Variants in SCRG1 observed in about 807,000 individuals in gnomAD.
SCRG1 encodes the protein stimulator of chondrogenesis 1, also known as scrapie-responsive protein 1.
Under a neutral mutation model 7.7 loss-of-function variants are expected in SCRG1, and 3 were observed. That is an observed-to-expected ratio of 0.39 (90% CI 0.18 to 1.01). The LOEUF is 1.01. SCRG1 is among the 50% of genes least tolerant of loss of function. The pLI is 0.36. For synonymous variants in SCRG1, 46 were observed against 41.2 expected, an observed-to-expected ratio of 1.12 and a Z score of -0.44; for missense variants, 110 against 117.2, an observed-to-expected ratio of 0.94 and a Z score of 0.28.
chr4:173,438,802 G>A, the SCRG1 span, among the ~76,000 whole-genome samples: 1 of 151,582 alleles, frequency 6.6e-6, no homozygotes, highest in African/African-American at 2.4e-5. Flanking sequence ...GCTTGATCAT[G>A]ATATTTCACT....
the SCRG1 span, among the ~76,000 whole-genome samples, chr4:173,493,484 G>A: frequency 5.3e-5 from 8 of 151,966 alleles, no homozygotes; most frequent in Non-Finnish European, 1.0e-4. Flanking sequence ...TGGGTGTGGT[G>A]GCGCGTGCTT....
chr4:173,484,843 T>G, the SCRG1 span, among the ~76,000 whole-genome samples: 138 of 84,940 alleles, frequency 1.6e-3, 1 homozygote, highest in South Asian at 3.3e-3. Context: ...GTACAATATA[T>G]TATATATAAT....
chr4:173,514,902 T>C, the SCRG1 span, among the ~76,000 whole-genome samples: 10 of 152,170 alleles, frequency 6.6e-5, no homozygotes, highest in Admixed American at 2.0e-4. Flanking sequence ...ATATATCAAG[T>C]CACAAGGCAA....
chr4:173,504,724 A>G, the SCRG1 span, among the ~76,000 whole-genome samples: 1 of 152,106 alleles, frequency 6.6e-6, no homozygotes, highest in Admixed American at 6.5e-5. This position sits in a 1 kb window ranked among gnomAD's most constrained non-coding sequence, Gnocchi z 4.7. Flanking sequence ...AGGAGAGGAG[A>G]TGTCACTGAA....
the SCRG1 span, chr4:173,446,556 A>T: frequency 6.6e-6 from 1 of 152,310 alleles, no homozygotes; most frequent in Non-Finnish European, 1.5e-5. Flanking sequence ...CAGTTAGTCA[A>T]GTTACCTCAC....
At chr4:173,480,329 G>A in the SCRG1 span, among the ~76,000 whole-genome samples, 1 of 151,984 alleles carries the variant, frequency 6.6e-6, no homozygotes, top group Non-Finnish European at 1.5e-5. Flanking sequence ...GTACAAAAAA[G>A]TGATGAAGAC....
the SCRG1 span, among the ~76,000 whole-genome samples, chr4:173,423,649 C>T: frequency 2.7e-5 from 4 of 150,912 alleles, no homozygotes. Context: ...TTTTTTTGGT[C>T]TTTTATCTCT....
the SCRG1 span, among the ~76,000 whole-genome samples, chr4:173,435,722 C>G: frequency 2.5e-4 from 38 of 152,214 alleles, no homozygotes; most frequent in African/African-American, 8.9e-4. Context: ...AAATACAGAG[C>G]AAAGGAGAGT....
chr4:173,398,232 C>T (rs571196675), intron 1 of SCRG1: 2 of 152,274 alleles, frequency 1.3e-5, no homozygotes, highest in South Asian at 2.1e-4. Flanking sequence ...ATCCTTAAAA[C>T]AGACATATCA....
At chr4:173,498,227 A>C in the SCRG1 span, among the ~76,000 whole-genome samples, 1 of 152,170 alleles carries the variant, frequency 6.6e-6, no homozygotes, top group Non-Finnish European at 1.5e-5. Flanking sequence ...AGGAACTGAA[A>C]CCTTGTCCCA....
At chr4:173,518,515 T>C in the SCRG1 span, among the ~76,000 whole-genome samples, 1 of 152,196 alleles carries the variant, frequency 6.6e-6, no homozygotes, top group African/African-American at 2.4e-5. Context: ...ATTCTTATTA[T>C]GTAGAAACCT....
chr4:173,435,215 C>A, the SCRG1 span, among the ~76,000 whole-genome samples: 1 of 151,906 alleles, frequency 6.6e-6, no homozygotes, highest in African/African-American at 2.4e-5. Context: ...GAGCTAGGAG[C>A]AATACAGTGT....
chr4:173,392,790 GAA>G, intron 1 of SCRG1, among the ~76,000 whole-genome samples: 1 of 152,230 alleles, frequency 6.6e-6, no homozygotes, highest in Non-Finnish European at 1.5e-5. Context: ...TACTTGGAAA[GAA>G]AACAATATTG....
At chr4:173,398,435 C>T (rs1456424431) in intron 1 of SCRG1, 1 of 152,110 alleles carries the variant, frequency 6.6e-6, no homozygotes, top group Non-Finnish European at 1.5e-5. Flanking sequence ...TTTTCATAGC[C>T]TGTGTAATTA....
At chr4:173,470,120 C>CTTTTTTTTTTTT in the SCRG1 span, 18 of 89,950 alleles carry the variant, frequency 2.0e-4, 1 homozygote, top group African/African-American at 7.1e-4. Context: ...CTCCCTCTTT[C>CTTTTTTTTTTTT]TTTTTTTTTT....
At chr4:173,473,156 T>C in the SCRG1 span, among the ~76,000 whole-genome samples, 1 of 152,186 alleles carries the variant, frequency 6.6e-6, no homozygotes, top group African/African-American at 2.4e-5. Context: ...CCACAAACTT[T>C]AGTTGAGTAT....
the SCRG1 span, among the ~76,000 whole-genome samples, chr4:173,453,941 G>T: frequency 3.3e-5 from 5 of 152,144 alleles, no homozygotes; most frequent in African/African-American, 1.2e-4. Flanking sequence ...AGCCAGGCAT[G>T]GTGGCATGTG....
At chr4:173,483,710 T>C in the SCRG1 span, among the ~76,000 whole-genome samples, 1 of 11,002 alleles carries the variant, frequency 9.1e-5, no homozygotes, top group African/African-American at 2.0e-4. Flanking sequence ...ATATATATGA[T>C]ATATTATATT....
upstream of SCRG1, among the ~76,000 whole-genome samples, chr4:173,410,101 A>G (rs1403864812): frequency 1.3e-5 from 2 of 152,146 alleles, no homozygotes; most frequent in Non-Finnish European, 2.9e-5. Context: ...CCTAAGTAAA[A>G]CTTTCTGAAG....
Sources: allele counts gnomAD v4.1 joint callset (sites outside exome capture counted in the v4.1 genomes callset), GRCh38; gene constraint gnomAD v4.1.1; non-coding constraint Gnocchi (gnomAD v3.1); transcripts MANE v1.5; gene names NCBI Gene and HGNC (gene_info 2026-07-23, HGNC 2026-07-21).